Variants in LUZP2 observed in about 807,000 individuals in gnomAD.
LUZP2 encodes the protein leucine zipper protein 2.
A neutral mutation model predicts 51.6 loss-of-function variants in LUZP2; 52 were observed. The observed-to-expected ratio is 1.01, with a 90% CI of 0.81 to 1.27. The LOEUF is 1.27. LUZP2 is among the 50% of genes most tolerant of loss of function. The probability of loss-of-function intolerance (pLI) is 0.00; values close to 1 mark genes in which losing one functional copy is unlikely to be tolerated. For missense variants in LUZP2, 436 were observed against 395.4 expected, an observed-to-expected ratio of 1.10 and a Z score of -0.87; for synonymous variants, 154 against 137.3, an observed-to-expected ratio of 1.12 and a Z score of -0.85.
At chr11:24,738,852 T>G (rs1161579568) in intron 4 of LUZP2, among the ~76,000 whole-genome samples, 1 of 152,070 alleles carries the variant, frequency 6.6e-6, no homozygotes, top group African/African-American at 2.4e-5. Context: ...GTTTCAGCTC[T>G]TACTACGAAT....
chr11:24,738,389 C>A, intron 4 of LUZP2, 87 bp downstream of exon 4: 1 of 839,940 alleles, frequency 1.2e-6, no homozygotes, highest in Non-Finnish European at 2.0e-6. Flanking sequence ...AACAAACACA[C>A]CTATAAAAAA....
At position 24,602,160 on chromosome 11, in the gene LUZP2, A is replaced by G. The variant is rs796532098; in HGVS notation, c.62+104855A>G. On this transcript the variant is annotated intron_variant, in intron 1 of 11. Transcript: ENST00000336930. ...TATATATGTATATATGTATATATGT[A>G]TATATGTGTATATATATGTGTATAT... 3.0e-3 allele frequency among the ~76,000 whole-genome samples: 262 copies of G among 88,496 alleles called. 4 individuals are homozygous for G. The highest frequency in any genetic ancestry group is 0.012 in the African/African-American group (252 of 20,672). The allele number at this position is 88,496 out of a possible 152,430, so 58.1% of individuals were successfully genotyped here. A position where few individuals can be genotyped will look rare whatever the true frequency, so the allele number is the denominator to read the frequency against.
chr11:24,957,351 A>G (rs1484256964), intron 7 of LUZP2, among the ~76,000 whole-genome samples: 6 of 152,134 alleles, frequency 3.9e-5, no homozygotes, highest in Non-Finnish European at 2.9e-5. Flanking sequence ...CTAAATATTT[A>G]TCATTTTTTA....
chr11:24,622,589 T>C (rs1486158552), intron 1 of LUZP2, among the ~76,000 whole-genome samples: 1 of 152,190 alleles, frequency 6.6e-6, no homozygotes, highest in African/African-American at 2.4e-5. Context: ...CTCAGGGTTT[T>C]ATCTCTAAGT....
intron 1 of LUZP2, among the ~76,000 whole-genome samples, chr11:24,622,033 T>G (rs114458443): frequency 0.013 from 1,996 of 151,954 alleles, 41 homozygotes; most frequent in African/African-American, 0.043. Context: ...CTCTGCTTCC[T>G]GGGCTCAAGC....
intron 5 of LUZP2, among the ~76,000 whole-genome samples, chr11:24,844,202 G>A (rs1257413461): frequency 6.6e-6 from 1 of 152,138 alleles, no homozygotes; most frequent in African/African-American, 2.4e-5. Flanking sequence ...TAATGATATG[G>A]ACAATGAAAT....
intron 1 of LUZP2, among the ~76,000 whole-genome samples, chr11:24,527,398 A>C: frequency 6.6e-6 from 1 of 151,274 alleles, no homozygotes; most frequent in Middle Eastern, 3.4e-3. Flanking sequence ...TTATTAAAAT[A>C]TTGCAGTTCT....
intron 4 of LUZP2, among the ~76,000 whole-genome samples, chr11:24,746,649 C>G (rs1176022230): frequency 6.6e-6 from 1 of 152,124 alleles, no homozygotes; most frequent in African/African-American, 2.4e-5. Flanking sequence ...ATAGGTTTTC[C>G]AAACTTTTAG....
intron 1 of LUZP2, among the ~76,000 whole-genome samples, chr11:24,511,284 T>G (rs1041509815): frequency 6.6e-6 from 1 of 152,194 alleles, no homozygotes; most frequent in Non-Finnish European, 1.5e-5. Flanking sequence ...TGAAATGATG[T>G]GTAGCAGGTT....
intron 5 of LUZP2, among the ~76,000 whole-genome samples, chr11:24,882,024 T>C (rs1852485569): frequency 6.6e-6 from 1 of 152,030 alleles, no homozygotes; most frequent in African/African-American, 2.4e-5. Context: ...GCTATGAATC[T>C]GCTCTTTTAG....
At chr11:24,528,083 A>AT (rs1460149545) in intron 1 of LUZP2, among the ~76,000 whole-genome samples, 6 of 151,238 alleles carry the variant, frequency 4.0e-5, no homozygotes, top group African/African-American at 1.5e-4. Context: ...CGATGTAGAC[A>AT]TTTTTTTGAT....
At position 24,731,250 on chromosome 11, in the gene LUZP2, A is replaced by G. The variant is rs1018332865; in HGVS notation, c.181-868A>G. On this transcript the variant is annotated intron_variant, in intron 2 of 11. Transcript: ENST00000336930. ...CTTTGCGTAGGTCTTTGCATGATTC[A>G]TAATAGATATTTGTTAAATAAATAT... Among the ~76,000 whole-genome samples the G allele has an allele frequency of 1.6e-4, 25 of 151,792 alleles. 2 individuals are homozygous for G. The highest frequency in any genetic ancestry group is 1.5e-5 in the Non-Finnish European group (1 of 67,788).
intron 5 of LUZP2, among the ~76,000 whole-genome samples, chr11:24,826,472 T>C (rs1032750888): frequency 6.6e-6 from 1 of 151,608 alleles, no homozygotes; most frequent in African/African-American, 2.4e-5. Flanking sequence ...GAGTTGTAAA[T>C]TCACAGAACA....
chr11:24,813,319 A>C (rs1326283966), intron 5 of LUZP2, among the ~76,000 whole-genome samples: 1 of 152,180 alleles, frequency 6.6e-6, no homozygotes, highest in Admixed American at 6.5e-5. Context: ...TGCTGTAAAG[A>C]ACTACCTGAG....
At chr11:24,961,923 G>A (rs1012366148) in intron 7 of LUZP2, among the ~76,000 whole-genome samples, 3 of 151,900 alleles carry the variant, frequency 2.0e-5, no homozygotes, top group Non-Finnish European at 2.9e-5. Flanking sequence ...TCCTTCAGGG[G>A]CTGTTTTAGG....
intron 1 of LUZP2, among the ~76,000 whole-genome samples, chr11:24,624,266 G>A (rs989521680): frequency 1.3e-5 from 2 of 152,058 alleles, no homozygotes; most frequent in South Asian, 4.1e-4. Flanking sequence ...TTAACTAATA[G>A]TGAACAATAG....
intron 5 of LUZP2, among the ~76,000 whole-genome samples, chr11:24,765,735 C>A (rs1242781298): frequency 6.7e-6 from 1 of 149,914 alleles, no homozygotes; most frequent in Non-Finnish European, 1.5e-5. Flanking sequence ...TCACACCATT[C>A]TCTGGCCTCA....
chr11:24,883,948 C>T (rs1031035021), intron 5 of LUZP2, among the ~76,000 whole-genome samples: 3 of 151,880 alleles, frequency 2.0e-5, no homozygotes, highest in Non-Finnish European at 4.4e-5. Flanking sequence ...TACTCTAGTC[C>T]CTCAACTGTG....
At chr11:24,769,786 C>CTCTTT (rs764723270) in intron 5 of LUZP2, among the ~76,000 whole-genome samples, 10 of 147,014 alleles carry the variant, frequency 6.8e-5, no homozygotes, top group Non-Finnish European at 1.2e-4. Flanking sequence ...ACTAAATTCT[C>CTCTTT]TTTTTTGTTT....
Sources: gnomAD v4.1 joint callset for allele counts (sites outside exome capture counted in the v4.1 genomes callset) on GRCh38, gnomAD v4.1.1 for gene constraint, MANE v1.5 for transcripts, NCBI Gene and HGNC (gene_info 2026-07-23, HGNC 2026-07-21) for gene names.